Variants in GXYLT1 observed in about 807,000 individuals in gnomAD.
GXYLT1 encodes glucoside xylosyltransferase 1.
GXYLT1 carries 29 observed loss-of-function variants against 54.0 expected under a neutral mutation model. That is an observed-to-expected ratio of 0.54 (90% confidence interval 0.40 to 0.73). The LOEUF is 0.73. Ranked by LOEUF, GXYLT1 falls within the 30% of genes least tolerant of loss-of-function variation. The pLI is 0.00. For synonymous variants in GXYLT1, 176 were observed against 204.1 expected, an observed-to-expected ratio of 0.86 and a Z score of 1.17; for missense variants, 490 against 553.4, an observed-to-expected ratio of 0.89 and a Z score of 1.15.
chr12:42,118,663 C>T (rs913020526), intron 3 of GXYLT1, among the ~76,000 whole-genome samples: 9 of 152,164 alleles, frequency 5.9e-5, no homozygotes, highest in South Asian at 2.1e-4. Flanking sequence ...GGAGATGACT[C>T]GATCATGGGG....
intron 7 of GXYLT1, among the ~76,000 whole-genome samples, chr12:42,095,181 T>G (rs903730875): frequency 1.8e-4 from 28 of 152,192 alleles, no homozygotes. Flanking sequence ...GAACAGACTG[T>G]CTCACAAATC....
chr12:42,136,589 C>T (rs184061673), intron 1 of GXYLT1, among the ~76,000 whole-genome samples: 1 of 152,184 alleles, frequency 6.6e-6, no homozygotes, highest in Admixed American at 6.5e-5. Context: ...CTACAACTGA[C>T]CAAGGGGTAG....
chr12:42,140,200 C>CAG (rs2065643942), intron 1 of GXYLT1, among the ~76,000 whole-genome samples: 1 of 38,108 alleles, frequency 2.6e-5, no homozygotes, highest in Non-Finnish European at 4.1e-5. Flanking sequence ...AAAAAAAAGG[C>CAG]GGGGGGGGGG....
chr12:42,142,073 C>A (rs2065655100), intron 1 of GXYLT1, among the ~76,000 whole-genome samples: 1 of 152,106 alleles, frequency 6.6e-6, no homozygotes, highest in South Asian at 2.1e-4. Context: ...AAGATGTTAT[C>A]AAAAAAGGCA....
rs560322082 is a variant in GXYLT1 at position 42,115,845 on chromosome 12, A to C, written c.486+3155T>G. On this transcript the variant is annotated intron_variant, in intron 3 of 7. Transcript: ENST00000398675. ...AAGTCAATGCTAAGCCAAAAGAACA[A>C]AGCTGGAGGCATCATGCTACCTGAC... 1.2e-3 allele frequency among the ~76,000 whole-genome samples: 178 copies of C among 144,284 alleles called. 1 individual carries two copies. Among genetic ancestry groups the C allele is most frequent in the African/African-American group, 3.5e-3 (141 of 39,796 alleles). The allele number at this position is 144,284 out of a possible 152,430, so 94.7% of individuals were successfully genotyped here.
chr12:42,093,182 C>T (rs1429704512), intron 7 of GXYLT1, among the ~76,000 whole-genome samples: 2 of 152,222 alleles, frequency 1.3e-5, no homozygotes, highest in East Asian at 1.9e-4. Context: ...ACTGAAACCT[C>T]CACATCCCAG....
At position 42,144,593 on chromosome 12, in the gene GXYLT1, C is replaced by T. The variant is rs1346687697; in HGVS notation, c.54G>A (p.Ser18=). The stretch of plus-strand genomic sequence containing the variant: ...CGAGCTGGCTGAAAGCGTAAAGGAG[C>T]GAGCAGAAGCCGCAGGCCACACACA... ...VVLCVACGFC[S]LLYAFSQLAV... Residue 18 remains serine, a synonymous_variant, in exon 1 of 8, where the codon TCG becomes TCA. Coordinates refer to ENST00000398675, the MANE Select transcript of GXYLT1 (RefSeq NM_173601.2). 1.4e-6 allele frequency: 2 copies of T among 1,425,808 alleles called. No homozygotes were observed. The highest frequency in any genetic ancestry group is 3.0e-5 in the African/African-American group (2 of 66,740). The allele number at this position is 1,425,808 out of a possible 1,614,324, so 88.3% of individuals were successfully genotyped here.
intron 1 of GXYLT1, among the ~76,000 whole-genome samples, chr12:42,143,914 A>G (rs1402425956): frequency 6.6e-6 from 1 of 152,180 alleles, no homozygotes; most frequent in African/African-American, 2.4e-5. Context: ...GCCATTTCCA[A>G]ATTTAACTAA....
intron 5 of GXYLT1, among the ~76,000 whole-genome samples, chr12:42,101,054 C>A (rs2065387055): frequency 6.6e-6 from 1 of 151,418 alleles, no homozygotes; most frequent in African/African-American, 2.4e-5. Flanking sequence ...GGGAAAAAAA[C>A]CTTAAAGAAA....
chr12:42,139,455 C>G (rs1252917342), intron 1 of GXYLT1, among the ~76,000 whole-genome samples: 1 of 152,000 alleles, frequency 6.6e-6, no homozygotes, highest in Admixed American at 6.6e-5. Flanking sequence ...AGCAGAGCCC[C>G]CATGAATGGG....
intron 3 of GXYLT1, among the ~76,000 whole-genome samples, chr12:42,114,317 G>A (rs1242564890): frequency 6.6e-6 from 1 of 151,906 alleles, no homozygotes; most frequent in Non-Finnish European, 1.5e-5. Context: ...CAAAAAACAC[G>A]TCAAAAGATT....
intron 3 of GXYLT1, among the ~76,000 whole-genome samples, chr12:42,114,808 C>G (rs1353440862): frequency 2.0e-5 from 3 of 152,104 alleles, no homozygotes; most frequent in African/African-American, 2.4e-5. Flanking sequence ...GATACCAAAG[C>G]CTGGCAGAGA....
chr12:42,119,429 G>C (rs557378257), intron 2 of GXYLT1, among the ~76,000 whole-genome samples: 1 of 148,930 alleles, frequency 6.7e-6, no homozygotes, highest in Admixed American at 6.7e-5. Flanking sequence ...AGAAAGGACA[G>C]AAAGAGAAGA....
At chr12:42,134,680 C>A (rs2065610086) in intron 1 of GXYLT1, among the ~76,000 whole-genome samples, 1 of 151,472 alleles carries the variant, frequency 6.6e-6, no homozygotes, top group Admixed American at 6.6e-5. Flanking sequence ...CTTCCACCTT[C>A]TTCTTTCACC....
rs1248394230 is a variant in GXYLT1, at chr12:42,144,812, G to A, written c.-166C>T. On this transcript the variant is annotated 5_prime_UTR_variant, in exon 1 of 8. Coordinates refer to ENST00000398675, the MANE Select transcript of GXYLT1 (RefSeq NM_173601.2). Reference sequence around the variant, plus strand: ...CCTTCCCTCCCCGCCCACCACCTAGGCGAGCGCAGTCGCGGCTCCGGAGCC... The same window carrying A: ...CCTTCCCTCCCCGCCCACCACCTAGACGAGCGCAGTCGCGGCTCCGGAGCC... 7.1e-6 allele frequency: 3 copies of A among 423,868 alleles called. No homozygotes were observed. Among genetic ancestry groups the A allele is most frequent in the South Asian group, 6.2e-5 (1 of 16,074 alleles). The allele number at this position is 423,868 out of a possible 1,614,324, so 26.3% of individuals were successfully genotyped here.
At position 42,140,396 on chromosome 12, in the gene GXYLT1, G is replaced by GA. The variant is rs946061565; in HGVS notation, c.221+4029dup. On this transcript the variant is annotated intron_variant, in intron 1 of 7. Coordinates refer to ENST00000398675, the MANE Select transcript of GXYLT1 (RefSeq NM_173601.2). ...TTTTCCCAGAGGTCAGAAATTGGAA[G>GA]AAAAAAAAAATCCCAACTTAAAATT... 5.0e-4 allele frequency among the ~76,000 whole-genome samples: 74 copies of GA among 148,062 alleles called. 1 individual carries two copies. The East Asian group carries it at 0.011, about 22-fold the overall frequency.
At chr12:42,122,378 T>C (rs1481417145) in intron 2 of GXYLT1, among the ~76,000 whole-genome samples, 1 of 152,062 alleles carries the variant, frequency 6.6e-6, no homozygotes, top group African/African-American at 2.4e-5. Context: ...TCATTTGAGG[T>C]CAAGAGTTTG....
At chr12:42,104,089 T>C (rs1188398283) in intron 5 of GXYLT1, among the ~76,000 whole-genome samples, 1 of 152,120 alleles carries the variant, frequency 6.6e-6, no homozygotes, top group Non-Finnish European at 1.5e-5. Flanking sequence ...GACTGTTCTC[T>C]ACAAAAAAGT....
intron 1 of GXYLT1, among the ~76,000 whole-genome samples, chr12:42,142,046 G>C (rs60879820): frequency 6.6e-6 from 1 of 152,204 alleles, no homozygotes; most frequent in Non-Finnish European, 1.5e-5. Context: ...GAGAGAAATA[G>C]TTATAATCTT....
Sources: allele counts gnomAD v4.1 joint callset (sites outside exome capture counted in the v4.1 genomes callset), GRCh38; gene constraint gnomAD v4.1.1; transcripts MANE v1.5; gene names NCBI Gene and HGNC (gene_info 2026-07-23, HGNC 2026-07-21).